CRTC1: variants seen among roughly 807,000 people sequenced by gnomAD.
The protein encoded by CRTC1 is CREB regulated transcription coactivator 1.
Under a neutral mutation model 66.1 loss-of-function variants are expected in CRTC1, and 18 were observed. That is an observed-to-expected ratio of 0.27 (90% confidence interval 0.19 to 0.40). CRTC1 has a LOEUF of 0.40. Ranked by LOEUF, CRTC1 falls within the 10% of genes least tolerant of loss-of-function variation. The probability of loss-of-function intolerance (pLI) is 1.00; values close to 1 mark genes in which losing one functional copy is unlikely to be tolerated. For missense variants in CRTC1, 669 were observed against 887.9 expected (o/e 0.75, Z 3.13); for synonymous variants, 416 against 398.8 (o/e 1.04, Z -0.51).
At chr19:18,684,503 G>C (rs2052641187) in intron 1 of CRTC1, among the ~76,000 whole-genome samples, 1 of 149,864 alleles carries the variant, frequency 6.7e-6, no homozygotes, top group African/African-American at 2.4e-5. Context: ...GGACAGCTGA[G>C]GGAATGGTCA....
chr19:18,761,622 G>T (rs1204907950), intron 8 of CRTC1, among the ~76,000 whole-genome samples: 1 of 152,224 alleles, frequency 6.6e-6, no homozygotes. Flanking sequence ...TTTGGGAGGG[G>T]CGGCCACTGG....
At position 18,778,310 on chromosome 19, in the gene CRTC1, C is replaced by T. The variant is rs1330001384; in HGVS notation, c.*928C>T. ...TGTGGTTTTTTTTTCCTTTTAGTTT[C>T]TAGTTACATTTTGGTTGTAGATGAC... is the stretch of plus-strand genomic sequence containing the variant. On this transcript the variant is annotated 3_prime_UTR_variant, in exon 14 of 14. Coordinates refer to ENST00000321949, the MANE Select transcript of CRTC1 (RefSeq NM_015321.3). 1 of 228,054 alleles carries T rather than the reference C, an allele frequency of 4.4e-6. No individual in the cohort carries two copies. The highest frequency in any genetic ancestry group is 2.2e-5 in the African/African-American group (1 of 45,014). 14.1% of individuals were successfully genotyped at this position (228,054 alleles called of 1,614,324 possible). A position where few individuals can be genotyped will look rare whatever the true frequency, so the allele number is the denominator to read the frequency against.
chr19:18,746,576 C>T (rs958749343), intron 3 of CRTC1, among the ~76,000 whole-genome samples: 4 of 151,810 alleles, frequency 2.6e-5, no homozygotes, highest in East Asian at 1.9e-4. Context: ...CGGGATCCCC[C>T]GGCTCTCCAG....
At chr19:18,701,517 C>G (rs1295646508) in intron 1 of CRTC1, among the ~76,000 whole-genome samples, 1 of 152,268 alleles carries the variant, frequency 6.6e-6, no homozygotes, top group Non-Finnish European at 1.5e-5. Context: ...CAGAATATGA[C>G]AGCTGCCACT....
Position 18,771,352 on chromosome 19 carries a change from G to A in CRTC1, c.1321-90G>A. On this transcript the variant is annotated intron_variant, in intron 10 of 13. Coordinates refer to ENST00000321949, the MANE Select transcript of CRTC1 (RefSeq NM_015321.3). The surrounding 1 kb of genome is among the most constrained non-coding windows in gnomAD (Gnocchi z 4.6). Reference sequence around the variant, plus strand: ...TGTGAGGGGCGGGGGGACCTGCCTGGGGGCTGATCAGGCTGCTCCCGGGAA... The same window carrying A: ...TGTGAGGGGCGGGGGGACCTGCCTGAGGGCTGATCAGGCTGCTCCCGGGAA... The A allele has an allele frequency of 8.8e-7, 1 of 1,131,060 alleles. No individual in the cohort carries two copies. The highest frequency in any genetic ancestry group is 1.3e-6 in the Non-Finnish European group (1 of 791,640). The allele number at this position is 1,131,060 out of a possible 1,614,324, so 70.1% of individuals were successfully genotyped here.
chr19:18,723,497 C>T (rs1344830782), intron 1 of CRTC1, among the ~76,000 whole-genome samples: 3 of 152,244 alleles, frequency 2.0e-5, no homozygotes, highest in Non-Finnish European at 2.9e-5. Flanking sequence ...TGTGTCACCA[C>T]AGCCCAGAGG....
At position 18,771,038 on chromosome 19, in the gene CRTC1, G is replaced by T. The variant is rs2054855215; in HGVS notation, c.1321-404G>T. Among the ~76,000 whole-genome samples the T allele has an allele frequency of 6.6e-6, 1 of 152,032 alleles. No homozygotes were observed. The highest frequency in any genetic ancestry group is 2.4e-5 in the African/African-American group (1 of 41,388). On this transcript the variant is annotated intron_variant, in intron 10 of 13. Coordinates refer to ENST00000321949, the MANE Select transcript of CRTC1 (RefSeq NM_015321.3). The surrounding 1 kb of genome is among the most constrained non-coding windows in gnomAD (Gnocchi z 4.6). ...TGTGGATATGTGCACATGTGTGGGT[G>T]TGCATGTGTGGGTATGTATATTCTA... is the stretch of plus-strand genomic sequence containing the variant.
chr19:18,749,499 A>G (rs1472849901), intron 4 of CRTC1, among the ~76,000 whole-genome samples: 2 of 152,250 alleles, frequency 1.3e-5, no homozygotes, highest in Admixed American at 6.5e-5. Context: ...TCCTGGGCTC[A>G]AGTGATCCTC....
chr19:18,689,564 C>CATATATATATATATAT (rs10616884), intron 1 of CRTC1, among the ~76,000 whole-genome samples: 5 of 38,336 alleles, frequency 1.3e-4, no homozygotes, highest in African/African-American at 1.1e-3. Context: ...AATTGATGGC[C>CATATATATATATATAT]ATATATATAT....
At chr19:18,753,797 C>A (rs7256742) in intron 6 of CRTC1, among the ~76,000 whole-genome samples, 6 of 152,068 alleles carry the variant, frequency 3.9e-5, no homozygotes, top group African/African-American at 1.4e-4. Context: ...CAGGCCGGAA[C>A]TGCACAAAAA....
chr19:18,684,316 G>A (rs939171038), intron 1 of CRTC1, among the ~76,000 whole-genome samples: 1 of 151,612 alleles, frequency 6.6e-6, no homozygotes, highest in African/African-American at 2.4e-5. Context: ...GGGTGAGGGT[G>A]CAAGTGCCCC....
At chr19:18,695,690 C>T (rs568313488) in intron 1 of CRTC1, among the ~76,000 whole-genome samples, 23 of 152,164 alleles carry the variant, frequency 1.5e-4, no homozygotes, top group African/African-American at 5.1e-4. Flanking sequence ...ACAGTGAAAC[C>T]CCGTCTCTAC....
chr19:18,728,875 C>T (rs1383546080), intron 1 of CRTC1, among the ~76,000 whole-genome samples: 6 of 141,050 alleles, frequency 4.3e-5, no homozygotes, highest in Middle Eastern at 4.0e-3. Context: ...TGCAGTAGCA[C>T]GATCTCAGCT....
chr19:18,739,052 C>T (rs907059841), intron 1 of CRTC1, among the ~76,000 whole-genome samples: 1 of 152,230 alleles, frequency 6.6e-6, no homozygotes, highest in Admixed American at 6.5e-5. Flanking sequence ...GTGGGGTCCA[C>T]TCTCACAGCC....
intron 2 of CRTC1, chr19:18,744,215 C>T (rs996977447): frequency 2.5e-5 from 38 of 1,543,104 alleles, no homozygotes; most frequent in Non-Finnish European, 3.2e-5. Context: ...AAGACCCCGA[C>T]CCGTGTGCGG....
intron 1 of CRTC1, among the ~76,000 whole-genome samples, chr19:18,708,085 C>T (rs753579912): frequency 4.6e-5 from 7 of 152,054 alleles, no homozygotes; most frequent in Non-Finnish European, 7.4e-5. Context: ...GGGTGAGGTC[C>T]GAGTTGCCGG....
At position 18,760,370 on chromosome 19, in the gene CRTC1, A is replaced by G; in HGVS notation, c.886+142A>G. On this transcript the variant is annotated intron_variant, in intron 8 of 13. Transcript: ENST00000321949. The surrounding 1 kb of genome is among the most constrained non-coding windows in gnomAD (Gnocchi z 6.2). Reference sequence around the variant, plus strand: ...TGGGGGGCGGCCGACAGGCTGACCCAGCGGGCACAGGCATCCCAGGTAGGG... The same window carrying G: ...TGGGGGGCGGCCGACAGGCTGACCCGGCGGGCACAGGCATCCCAGGTAGGG... The G allele has an allele frequency of 1.4e-6, 1 of 707,994 alleles. No individual in the cohort carries two copies. Among genetic ancestry groups the G allele is most frequent in the South Asian group, 1.8e-5 (1 of 55,840 alleles). The allele number at this position is 707,994 out of a possible 1,614,324, so 43.9% of individuals were successfully genotyped here. A position where few individuals can be genotyped will look rare whatever the true frequency, so the allele number is the denominator to read the frequency against.
chr19:18,771,911 C>T lies in CRTC1; in HGVS notation c.1425+365C>T, dbSNP rs2054877786. ...GCATGAGCTGGAGCTTTAGGGACCC[C>T]CCCGACTTGGGGGTGCAGCTGAGGT... is the stretch of plus-strand genomic sequence containing the variant. On this transcript the variant is annotated intron_variant, in intron 11 of 13. Transcript: ENST00000321949. This position sits in a 1 kb window ranked among gnomAD's most constrained non-coding sequence, Gnocchi z 4.6. Among the ~76,000 whole-genome samples, 1 of 152,200 alleles carries T rather than the reference C, an allele frequency of 6.6e-6. No homozygotes were observed. Among genetic ancestry groups the T allele is most frequent in the African/African-American group, 2.4e-5 (1 of 41,446 alleles).
At chr19:18,726,194 C>T (rs563828370) in intron 1 of CRTC1, among the ~76,000 whole-genome samples, 21 of 152,374 alleles carry the variant, frequency 1.4e-4, no homozygotes, top group Admixed American at 6.5e-4. Context: ...AGGGCAGGAA[C>T]GTTGCTCAGG....
Sources: allele counts gnomAD v4.1 joint callset (sites outside exome capture counted in the v4.1 genomes callset), GRCh38; gene constraint gnomAD v4.1.1; non-coding constraint Gnocchi (gnomAD v3.1); transcripts MANE v1.5; gene names NCBI Gene and HGNC (gene_info 2026-07-23, HGNC 2026-07-21).